Variants in LINC00237 observed in about 807,000 individuals in gnomAD.
The protein encoded by LINC00237 is long intergenic non-protein coding RNA 237.
intron 2 of LINC00237, chr20:21,089,912 T>C (rs2030769691): frequency 6.6e-6 from 1 of 152,262 alleles, no homozygotes; most frequent in African/African-American, 2.4e-5. Flanking sequence ...GAAATATTTA[T>C]GCCATTTCCA....
At chr20:21,092,524 G>T (rs1057287782) in intron 2 of LINC00237, among the ~76,000 whole-genome samples, 1 of 152,194 alleles carries the variant, frequency 6.6e-6, no homozygotes, top group South Asian at 2.1e-4. Context: ...TCTGCCAATT[G>T]TTATAACCAG....
At chr20:21,102,711 A>AG (rs1339261043) in intron 1 of LINC00237, among the ~76,000 whole-genome samples, 1 of 151,700 alleles carries the variant, frequency 6.6e-6, no homozygotes, top group Non-Finnish European at 1.5e-5. Context: ...AAAAAAAAAA[A>AG]AAGGAGGGGG....
At chr20:21,088,686 T>C (rs1357322138) in intron 2 of LINC00237, among the ~76,000 whole-genome samples, 2 of 152,220 alleles carry the variant, frequency 1.3e-5, no homozygotes, top group Admixed American at 6.5e-5. Flanking sequence ...TGTCAAATGA[T>C]TACAAACAGA....
intron 3 of LINC00237, among the ~76,000 whole-genome samples, chr20:21,086,678 ATACTACATATACATATG>A (rs2030706429): frequency 3.4e-3 from 2 of 596 alleles, no homozygotes; most frequent in African/African-American, 4.7e-3. Context: ...TATATATAGT[ATACTACATATACATATG>A]TAGTATACTA....
chr20:21,095,198 G>A (rs910504534), intron 1 of LINC00237, among the ~76,000 whole-genome samples: 7 of 152,192 alleles, frequency 4.6e-5, no homozygotes, highest in African/African-American at 1.4e-4. Context: ...AAAAGGACTA[G>A]CAGCTTCCAC....
intron 2 of LINC00237, among the ~76,000 whole-genome samples, chr20:21,089,393 T>C (rs1017881931): frequency 2.6e-5 from 4 of 151,844 alleles, no homozygotes; most frequent in Non-Finnish European, 4.4e-5. Context: ...ATGTCACCAT[T>C]AAATTGAAAA....
intron 1 of LINC00237, among the ~76,000 whole-genome samples, chr20:21,095,110 G>A (rs1442420877): frequency 6.6e-6 from 1 of 152,156 alleles, no homozygotes; most frequent in Non-Finnish European, 1.5e-5. Flanking sequence ...CCTTGAATCT[G>A]GCTGCACATT....
intron 1 of LINC00237, among the ~76,000 whole-genome samples, chr20:21,105,127 C>G (rs1463746743): frequency 6.6e-6 from 1 of 152,202 alleles, no homozygotes; most frequent in East Asian, 1.9e-4. Flanking sequence ...TGAAGGAAAG[C>G]GGGCAGCCTG....
At chr20:21,098,859 G>A (rs940357552) in intron 1 of LINC00237, among the ~76,000 whole-genome samples, 1 of 152,232 alleles carries the variant, frequency 6.6e-6, no homozygotes, top group South Asian at 2.1e-4. Context: ...CAATGTGCAG[G>A]TTGCACGAAT....
chr20:21,100,559 T>A (rs2030917813), intron 1 of LINC00237, among the ~76,000 whole-genome samples: 1 of 152,254 alleles, frequency 6.6e-6, no homozygotes, highest in Non-Finnish European at 1.5e-5. Context: ...TAACCTTTGG[T>A]TCCTGCTTTT....
intron 1 of LINC00237, among the ~76,000 whole-genome samples, chr20:21,105,106 G>A (rs1457296421): frequency 1.3e-5 from 2 of 152,306 alleles, no homozygotes; most frequent in East Asian, 1.9e-4. Flanking sequence ...GCTCTGCAGG[G>A]CCTCTCTGGG....
intron 1 of LINC00237, among the ~76,000 whole-genome samples, chr20:21,096,983 A>G (rs2030866698): frequency 6.6e-6 from 1 of 152,238 alleles, no homozygotes; most frequent in Non-Finnish European, 1.5e-5. Context: ...ACACAAATCA[A>G]CAATGATGGG....
chr20:21,094,887 TA>T (rs1392012098), intron 1 of LINC00237, among the ~76,000 whole-genome samples: 4 of 152,104 alleles, frequency 2.6e-5, no homozygotes, highest in Non-Finnish European at 4.4e-5. Context: ...CCATCTGTAC[TA>T]AAAATACAAA....
intron 1 of LINC00237, among the ~76,000 whole-genome samples, chr20:21,099,177 A>G (rs1387749166): frequency 1.3e-5 from 2 of 152,214 alleles, no homozygotes; most frequent in Non-Finnish European, 2.9e-5. Context: ...AGTTGCTTTC[A>G]GGATGCGAGT....
At chr20:21,105,207 G>A (rs916903180) in intron 1 of LINC00237, among the ~76,000 whole-genome samples, 6 of 152,190 alleles carry the variant, frequency 3.9e-5, no homozygotes, top group African/African-American at 1.2e-4. Context: ...CAGCCTGGAC[G>A]CCGAGCCCTC....
chr20:21,106,311 C>G (rs2030999121), exon 1 of LINC00237: 2 of 152,348 alleles, frequency 1.3e-5, no homozygotes, highest in Non-Finnish European at 2.9e-5. Context: ...AGCCTCGCCC[C>G]GCACTGTGCA....
chr20:21,100,592 T>A (rs950168605), intron 1 of LINC00237, among the ~76,000 whole-genome samples: 1 of 142,920 alleles, frequency 7.0e-6, no homozygotes, highest in African/African-American at 2.7e-5. Flanking sequence ...CCCAAAAACA[T>A]TTTTTTTTTC....
At chr20:21,086,801 T>C (rs1382296224) in intron 3 of LINC00237, among the ~76,000 whole-genome samples, 3 of 123,734 alleles carry the variant, frequency 2.4e-5, no homozygotes, top group Non-Finnish European at 4.9e-5. Context: ...ACATATACTA[T>C]ATATATGTAT....
chr20:21,091,671 T>G lies in LINC00237; in HGVS notation n.472+1798A>C, dbSNP rs116362461. On this transcript the variant is annotated intron_variant and non_coding_transcript_variant, in intron 2 of 3. Coordinates refer to ENST00000691244, the Ensembl canonical transcript of LINC00237. ...GTCTCAACCAAATACTAAAAAGGGG[T>G]CCATTTCATTTACATTTCCTGTTGC... Among the ~76,000 whole-genome samples, 858 of 152,284 alleles carry G rather than the reference T, an allele frequency of 5.6e-3. 9 individuals carry two copies. Among genetic ancestry groups the G allele is most frequent in the African/African-American group, 0.02 (828 of 41,570 alleles).
Sources: allele counts gnomAD v4.1 joint callset (sites outside exome capture counted in the v4.1 genomes callset), GRCh38; gene constraint gnomAD v4.1.1; transcripts MANE v1.5; gene names NCBI Gene and HGNC (gene_info 2026-07-23, HGNC 2026-07-21).